The following ZNF333 variants were observed in gnomAD, a reference collection of about 807,000 sequenced individuals.
ZNF333 encodes the protein zinc finger protein 333.
ZNF333 carries 61 observed loss-of-function variants against 76.1 expected under a neutral mutation model. The observed-to-expected ratio is 0.80, with a 90% CI of 0.65 to 0.99. The LOEUF (loss-of-function observed/expected upper bound fraction) is 0.99. Ranked by LOEUF, ZNF333 falls within the 50% of genes least tolerant of loss-of-function variation. The pLI is 0.00. For synonymous variants in ZNF333, 284 were observed against 305.0 expected (o/e 0.93, Z 0.72); for missense variants, 717 against 822.4 (o/e 0.87, Z 1.57).
intron 5 of ZNF333, among the ~76,000 whole-genome samples, chr19:14,702,264 C>T (rs1470151602): frequency 6.6e-6 from 1 of 152,212 alleles, no homozygotes; most frequent in Non-Finnish European, 1.5e-5. Context: ...CCCAGAATCC[C>T]AGCAACTCCG....
chr19:14,731,240 C>A (rs2042668940), exon 12 of ZNF333: 2 of 1,497,032 alleles, frequency 1.3e-6, no homozygotes, highest in Non-Finnish European at 1.8e-6. Flanking sequence ...TCGCTAGAAT[C>A]CAACCTCTGG....
At position 14,719,546 on chromosome 19, in the gene ZNF333, A is replaced by T. The variant is rs2042543633; in HGVS notation, c.*221A>T. ...TATTTTCATAGAGGTATAATGACTTATAGTGAAATGCATACATCTGAAGTG... is the reference window on the plus strand; with the variant it reads ...TATTTTCATAGAGGTATAATGACTTTTAGTGAAATGCATACATCTGAAGTG... On this transcript the variant is annotated 3_prime_UTR_variant, in exon 12 of 12. Transcript: ENST00000292530. 1 of 1,094,154 alleles carries T rather than the reference A, an allele frequency of 9.1e-7. No homozygotes were observed. Among genetic ancestry groups the T allele is most frequent in the Non-Finnish European group, 1.2e-6 (1 of 812,152 alleles). 67.8% of individuals were successfully genotyped at this position (1,094,154 alleles called of 1,614,324 possible). A position where few individuals can be genotyped will look rare whatever the true frequency, so the allele number is the denominator to read the frequency against.
intron 3 of ZNF333, 22 bp from the exon 4 acceptor site, chr19:14,695,544 C>T (rs756866220): frequency 1.2e-6 from 2 of 1,611,702 alleles, no homozygotes; most frequent in Non-Finnish European, 1.7e-6. Flanking sequence ...CTCTCAGTGC[C>T]TGTGTCTTTC....
intron 1 of ZNF333, among the ~76,000 whole-genome samples, chr19:14,690,614 T>C (rs1484150108): frequency 1.3e-5 from 2 of 152,180 alleles, no homozygotes; most frequent in African/African-American, 2.4e-5. Flanking sequence ...TGCAAACTGG[T>C]TTAATTGATT....
intron 6 of ZNF333, 165 bp from the exon 7 acceptor site, chr19:14,706,521 T>G (rs1293901126): frequency 3.0e-6 from 2 of 666,818 alleles, no homozygotes; most frequent in East Asian, 5.6e-5. Flanking sequence ...TAGCTTTGTA[T>G]TTAAGGATTG....
Position 14,719,804 on chromosome 19 carries a change from C to A in ZNF333, c.*479C>A. 2.0e-5 allele frequency: 20 copies of A among 987,058 alleles called. No individual in the cohort carries two copies. Among genetic ancestry groups the A allele is most frequent in the Non-Finnish European group, 2.4e-5 (20 of 831,180 alleles). The allele number at this position is 987,058 out of a possible 1,614,324, so 61.1% of individuals were successfully genotyped here. ...GCTATTAGGTCTGGTGTGGCTTATT[C>A]TTCTAGCTGCCAACCCAAATTACCC... On this transcript the variant is annotated 3_prime_UTR_variant, in exon 12 of 12. Transcript: ENST00000292530.
chr19:14,710,436 C>T lies in ZNF333; in HGVS notation c.511+3663C>T, dbSNP rs186008581. On this transcript the variant is annotated intron_variant, in intron 7 of 11. Transcript: ENST00000292530. ...CACTAGGAGGACTCACAGGAGATGT[C>T]GTACTCGTGGCTGTGATTTATTACC... 1.8e-4 allele frequency among the ~76,000 whole-genome samples: 27 copies of T among 152,258 alleles called. No homozygotes were observed. In the East Asian group the frequency reaches 4.4e-3, roughly 25 times the overall value.
rs1158390845 is a variant in ZNF333 at position 14,721,583 on chromosome 19, T to A, written c.*2258T>A. On this transcript the variant is annotated 3_prime_UTR_variant, in exon 12 of 12. Coordinates refer to ENST00000292530, the MANE Select transcript of ZNF333 (RefSeq NM_032433.4). The stretch of plus-strand genomic sequence containing the variant: ...ATATAGTGTCATTGAGATTTATCTA[T>A]GTTGTATTATCAGTAGTTTATGCTT... 2 of 152,246 alleles carry A rather than the reference T, an allele frequency of 1.3e-5. No individual in the cohort carries two copies. The highest frequency in any genetic ancestry group is 2.9e-5 in the Non-Finnish European group (2 of 68,038). The allele number at this position is 152,246 out of a possible 1,614,324, so 9.4% of individuals were successfully genotyped here.
At chr19:14,694,486 A>G (rs1391602146) in intron 2 of ZNF333, among the ~76,000 whole-genome samples, 2 of 152,098 alleles carry the variant, frequency 1.3e-5, no homozygotes, top group Non-Finnish European at 2.9e-5. Flanking sequence ...AAAAAAAGAA[A>G]AAAAGAAAAA....
intron 2 of ZNF333, among the ~76,000 whole-genome samples, chr19:14,694,543 A>G (rs1973032041): frequency 6.6e-6 from 1 of 152,204 alleles, no homozygotes; most frequent in African/African-American, 2.4e-5. Flanking sequence ...TATATAATTA[A>G]GGACGTAAGT....
intron 2 of ZNF333, among the ~76,000 whole-genome samples, chr19:14,694,018 A>AGCGCTCAG (rs942772572): frequency 3.3e-5 from 5 of 151,012 alleles, no homozygotes; most frequent in African/African-American, 4.9e-5. Context: ...AAAAAGTTTA[A>AGCGCTCAG]GCGCTCAGTT....
chr19:14,728,566 C>G (rs2042648282), intron 11 of ZNF333, among the ~76,000 whole-genome samples: 1 of 152,190 alleles, frequency 6.6e-6, no homozygotes, highest in African/African-American at 2.4e-5. Flanking sequence ...GAAAGATGAG[C>G]AGGTGAAGCC....
chr19:14,717,865 T>C, intron 11 of ZNF333, 132 bp downstream of exon 11: 1 of 845,514 alleles, frequency 1.2e-6, no homozygotes, highest in Non-Finnish European at 1.8e-6. Context: ...GGAAGCAGTT[T>C]CTTGGGAGAG....
intron 5 of ZNF333, among the ~76,000 whole-genome samples, chr19:14,702,519 C>T (rs576024028): frequency 1.3e-5 from 2 of 152,136 alleles, no homozygotes; most frequent in South Asian, 2.1e-4. Flanking sequence ...AGGATTCTGT[C>T]TCAAAAAAAG....
intron 5 of ZNF333, among the ~76,000 whole-genome samples, chr19:14,702,430 A>G (rs1378608885): frequency 1.3e-5 from 2 of 152,160 alleles, no homozygotes; most frequent in Non-Finnish European, 2.9e-5. Flanking sequence ...TAAGGCGAGA[A>G]AATTGCTTGA....
At position 14,693,414 on chromosome 19, in the gene ZNF333, C is replaced by T; in HGVS notation, c.-41-37C>T. The stretch of plus-strand genomic sequence containing the variant: ...CCCCAAAATGCTCTGCTTCCGTCCT[C>T]ACCCCTTCTTTTACCTCAGTGTCTC... On this transcript the variant is annotated intron_variant, in intron 1 of 11. Transcript: ENST00000292530. 15 of 1,541,656 alleles carry T rather than the reference C, an allele frequency of 9.7e-6. No individual in the cohort carries two copies. The South Asian group carries it at 1.1e-4, about 11-fold the overall frequency.
At chr19:14,707,101 G>A in intron 7 of ZNF333, 1 of 250,442 alleles carries the variant, frequency 4.0e-6, no homozygotes, top group Non-Finnish European at 7.5e-6. Context: ...TGTTTTAACT[G>A]TGTTTTTATA....
chr19:14,694,894 G>C, intron 2 of ZNF333, 116 bp from the exon 3 acceptor site: 3 of 1,499,840 alleles, frequency 2.0e-6, no homozygotes, highest in Non-Finnish European at 2.7e-6. Flanking sequence ...TAGGCTTTAG[G>C]CTGGATTTTC....
At chr19:14,690,334 G>GC (rs1300957201) in intron 1 of ZNF333, among the ~76,000 whole-genome samples, 184 bp downstream of exon 1, 5 of 152,188 alleles carry the variant, frequency 3.3e-5, no homozygotes, top group Admixed American at 2.0e-4. Context: ...CCGGTCTCTC[G>GC]CTCTCAGGTA....
Sources: allele counts gnomAD v4.1 joint callset (sites outside exome capture counted in the v4.1 genomes callset), GRCh38; gene constraint gnomAD v4.1.1; transcripts MANE v1.5; gene names NCBI Gene and HGNC (gene_info 2026-07-23, HGNC 2026-07-21).